Variants in SLC12A6 observed in about 807,000 individuals in gnomAD.
SLC12A6 encodes the protein solute carrier family 12 member 6.
A neutral mutation model predicts 135.3 loss-of-function variants in SLC12A6; 66 were observed. That is an observed-to-expected ratio of 0.49 (90% CI 0.40 to 0.60). The LOEUF is 0.60. Ranked by LOEUF, SLC12A6 falls within the 20% of genes least tolerant of loss-of-function variation. SLC12A6 has a pLI of 0.00. For missense variants in SLC12A6, 1,058 were observed against 1,452.3 expected (o/e 0.73, Z 4.41); for synonymous variants, 513 against 508.8 (o/e 1.01, Z -0.11).
At position 34,260,985 on chromosome 15, in the gene SLC12A6, TGA is replaced by T. The variant is rs1893080222; in HGVS notation, c.350_351del (p.Leu117GlnfsTer2). On this transcript the variant is annotated frameshift_variant, in exon 4 of 26. Transcript: ENST00000354181. LOFTEE classifies it high-confidence loss of function. ...DGHKKARNAY[L>X]NNSNYEEGDE... ...TCTCCTTCTTCATAATTGGAATTAT[TGA>T]GATAAGCATTTCGAGCTTTCTTATG... 1.3e-6 allele frequency: 2 copies of T among 1,580,660 alleles called. No homozygotes were observed. Among genetic ancestry groups the T allele is most frequent in the Non-Finnish European group, 1.7e-6 (2 of 1,149,624 alleles).
Position 34,258,005 on chromosome 15 carries a change from C to CAAAG in SLC12A6, c.544-221_544-218dup, listed in dbSNP as rs10640651. On this transcript the variant is annotated intron_variant, in intron 5 of 25. Coordinates refer to ENST00000354181, the MANE Select transcript of SLC12A6 (RefSeq NM_001365088.1). ...CCTAAAGCTATATATTTTAACTTTA[C>CAAAG]AAAGGTTCCTGCATGTGTTTATTAT... is the stretch of plus-strand genomic sequence containing the variant. Among the ~76,000 whole-genome samples the CAAAG allele has an allele frequency of 0.89, 135,906 of 152,022 alleles. 62,248 individuals are homozygous for CAAAG. The highest frequency in any genetic ancestry group is 1 in the East Asian group (5,178 of 5,182).
intron 3 of SLC12A6, among the ~76,000 whole-genome samples, chr15:34,263,739 A>G (rs570781999): frequency 1.6e-3 from 244 of 152,324 alleles, no homozygotes; most frequent in Admixed American, 2.7e-3. Flanking sequence ...TTAAAGAATT[A>G]AAAACCCTAT....
chr15:34,283,969 C>T (rs550578666), intron 2 of SLC12A6, among the ~76,000 whole-genome samples: 17 of 152,134 alleles, frequency 1.1e-4, no homozygotes, highest in African/African-American at 3.4e-4. Flanking sequence ...ATGCTCGTCT[C>T]GGTCTCAAAC....
chr15:34,242,020 A>C, intron 17 of SLC12A6, 82 bp downstream of exon 17: 1 of 1,004,994 alleles, frequency 1.0e-6, no homozygotes, highest in Non-Finnish European at 1.6e-6. Context: ...TGAGTCCTTA[A>C]GATATTTTCA....
rs1208398411 is a variant in SLC12A6 at position 34,233,552 on chromosome 15, T to A, written c.*329A>T. On this transcript the variant is annotated 3_prime_UTR_variant, in exon 26 of 26. Transcript: ENST00000354181. ...GAATACGTACTTGACTTGCTTTTTT[T>A]CTTCAGTTGAATTTCTAGCATCCCT... The A allele has an allele frequency of 6.6e-6, 2 of 304,864 alleles. No homozygotes were observed. Among genetic ancestry groups the A allele is most frequent in the Admixed American group, 8.8e-5 (2 of 22,648 alleles). The allele number at this position is 304,864 out of a possible 1,614,324, so 18.9% of individuals were successfully genotyped here. A position where few individuals can be genotyped will look rare whatever the true frequency, so the allele number is the denominator to read the frequency against.
chr15:34,285,717 T>TACACACACACACA (rs144158165), intron 2 of SLC12A6, among the ~76,000 whole-genome samples: 1 of 131,108 alleles, frequency 7.6e-6, no homozygotes, highest in Non-Finnish European at 1.6e-5. Flanking sequence ...TGTGTGTTTG[T>TACACACACACACA]CATACATAAA....
At chr15:34,288,281 T>C (rs1369245812) in intron 2 of SLC12A6, among the ~76,000 whole-genome samples, 2 of 152,222 alleles carry the variant, frequency 1.3e-5, no homozygotes, top group African/African-American at 4.8e-5. Flanking sequence ...TTGTCAAAGA[T>C]CAGATGGTGG....
intron 2 of SLC12A6, among the ~76,000 whole-genome samples, chr15:34,324,273 A>C (rs1014743452): frequency 1.3e-5 from 2 of 152,342 alleles, no homozygotes; most frequent in Middle Eastern, 6.8e-3. Context: ...TACAGGTATG[A>C]AATATTTACA....
chr15:34,307,470 CTTTG>C (rs1296439740), intron 2 of SLC12A6, among the ~76,000 whole-genome samples: 8 of 152,094 alleles, frequency 5.3e-5, no homozygotes, highest in Admixed American at 6.5e-5. Context: ...AATTATTTTT[CTTTG>C]TTTTTTACAT....
At chr15:34,271,898 C>T (rs1893980481) in intron 3 of SLC12A6, among the ~76,000 whole-genome samples, 2 of 152,202 alleles carry the variant, frequency 1.3e-5, no homozygotes, top group South Asian at 4.1e-4. Context: ...ACCAGTTTTT[C>T]ACCTACCAGG....
intron 9 of SLC12A6, 91 bp downstream of exon 9, chr15:34,254,255 ACT>A: frequency 7.8e-7 from 1 of 1,274,336 alleles, no homozygotes; most frequent in South Asian, 1.2e-5. Context: ...TCTCAGAGAG[ACT>A]CTATGAAATT....
Position 34,240,677 on chromosome 15 carries a change from G to A in SLC12A6, c.2420C>T (p.Ala807Val), listed in dbSNP as rs1481710679. Residue 807 changes from alanine to valine, a missense_variant, in exon 19 of 26, where the codon GCT (alanine) becomes GTT (valine). By Grantham distance (64) the Ala-to-Val change is moderately conservative. Coordinates refer to ENST00000354181, the MANE Select transcript of SLC12A6 (RefSeq NM_001365088.1). ...VGNFLENYGE[A>V]LAAEQTIKHL... ...GACTCTTACCTGCTCAGCAGCTAAA[G>A]CTTCACCGTAGTTCTCTAGGAAGTT... is the stretch of plus-strand genomic sequence containing the variant. The A allele has an allele frequency of 2.5e-6, 4 of 1,613,794 alleles. No individual in the cohort carries two copies. The African/African-American group carries it at 5.3e-5, about 22-fold the overall frequency.
chr15:34,266,818 A>C (rs147041638), intron 3 of SLC12A6, among the ~76,000 whole-genome samples: 64 of 152,338 alleles, frequency 4.2e-4, no homozygotes, highest in African/African-American at 1.5e-3. Flanking sequence ...TTGGCATTTT[A>C]AACAACACAG....
At chr15:34,241,988 T>C (rs1246907877) in intron 17 of SLC12A6, 114 bp downstream of exon 17, 3 of 792,076 alleles carry the variant, frequency 3.8e-6, no homozygotes, top group Admixed American at 1.8e-5. Flanking sequence ...GTACAAAATA[T>C]AGTTATGAAA....
At chr15:34,301,245 C>T (rs985405091) in intron 2 of SLC12A6, among the ~76,000 whole-genome samples, 3 of 152,082 alleles carry the variant, frequency 2.0e-5, no homozygotes, top group Non-Finnish European at 4.4e-5. Flanking sequence ...CAGGCCCGGC[C>T]TCAACATGTT....
At chr15:34,295,669 T>A (rs1895832189) in intron 2 of SLC12A6, among the ~76,000 whole-genome samples, 1 of 152,196 alleles carries the variant, frequency 6.6e-6, no homozygotes, top group Non-Finnish European at 1.5e-5. Flanking sequence ...TCAAAAAATT[T>A]GATACATTTA....
chr15:34,305,234 A>C (rs946759131), intron 2 of SLC12A6, among the ~76,000 whole-genome samples: 1 of 152,184 alleles, frequency 6.6e-6, no homozygotes, highest in African/African-American at 2.4e-5. Context: ...TCTCCCCCAG[A>C]ACTTCATTCT....
At chr15:34,271,203 T>C (rs1432953090) in intron 3 of SLC12A6, among the ~76,000 whole-genome samples, 1 of 152,186 alleles carries the variant, frequency 6.6e-6, no homozygotes, top group African/African-American at 2.4e-5. Context: ...TTCTTTTAAT[T>C]TGTTAACATA....
At chr15:34,266,128 A>G (rs537488053) in intron 3 of SLC12A6, among the ~76,000 whole-genome samples, 6 of 151,924 alleles carry the variant, frequency 3.9e-5, no homozygotes, top group Non-Finnish European at 8.8e-5. Flanking sequence ...TAAATAGACT[A>G]AGACAAAGAT....
Sources: gnomAD v4.1 joint callset for allele counts (sites outside exome capture counted in the v4.1 genomes callset) on GRCh38, gnomAD v4.1.1 for gene constraint, MANE v1.5 for transcripts, NCBI Gene and HGNC (gene_info 2026-07-23, HGNC 2026-07-21) for gene names.